The following ADGRG7 variants were observed in gnomAD, a reference collection of about 807,000 sequenced individuals.
ADGRG7 encodes adhesion G protein-coupled receptor G7.
ADGRG7 carries 82 observed loss-of-function variants against 88.6 expected under a neutral mutation model. That is an observed-to-expected ratio of 0.93 (90% CI 0.77 to 1.11). ADGRG7 has a LOEUF of 1.11. ADGRG7 is among the 50% of genes most tolerant of loss of function. The pLI is 0.00. For missense variants in ADGRG7, 945 were observed against 953.4 expected, an observed-to-expected ratio of 0.99 and a Z score of 0.12; for synonymous variants, 381 against 345.2, an observed-to-expected ratio of 1.10 and a Z score of -1.15.
At chr3:100,646,323 A>G in intron 9 of ADGRG7, 1 of 606,578 alleles carries the variant, frequency 1.6e-6, no homozygotes, top group Non-Finnish European at 2.8e-6. Flanking sequence ...AAAACTCTTC[A>G]AAAGGTTCTT....
chr3:100,621,807 C>T (rs922658196), intron 1 of ADGRG7, among the ~76,000 whole-genome samples: 11 of 152,202 alleles, frequency 7.2e-5, no homozygotes, highest in Non-Finnish European at 1.5e-4. Flanking sequence ...CCATCTAGGA[C>T]TTTCACAGCT....
At chr3:100,658,493 C>T (rs972938059) in intron 13 of ADGRG7, among the ~76,000 whole-genome samples, 4 of 152,206 alleles carry the variant, frequency 2.6e-5, no homozygotes, top group African/African-American at 7.2e-5. Context: ...AAAGCTCCTA[C>T]ATAATTTGTA....
intron 13 of ADGRG7, 107 bp downstream of exon 13, chr3:100,656,102 T>A: frequency 1.6e-6 from 1 of 621,138 alleles, no homozygotes; most frequent in South Asian, 2.4e-5. Context: ...TTTATAATTG[T>A]CATGTTTAGT....
intron 15 of ADGRG7, among the ~76,000 whole-genome samples, chr3:100,690,547 G>A (rs529454013): frequency 2.0e-5 from 3 of 152,042 alleles, no homozygotes; most frequent in Non-Finnish European, 4.4e-5. Context: ...TGGGTTTTTG[G>A]TGTGGATGTC....
intron 1 of ADGRG7, 22 bp from the exon 2 acceptor site, chr3:100,629,576 C>T (rs757439286): frequency 6.5e-7 from 1 of 1,539,154 alleles, no homozygotes; most frequent in African/African-American, 1.4e-5. Context: ...CATGACTATT[C>T]TGTTATTTAT....
chr3:100,612,164 A>T (rs546196982), intron 1 of ADGRG7, among the ~76,000 whole-genome samples: 66 of 152,282 alleles, frequency 4.3e-4, no homozygotes, highest in Admixed American at 4.2e-3. Context: ...ATATAAATTA[A>T]GTCTCTTTCA....
At chr3:100,688,292 G>T (rs1363708917) in intron 15 of ADGRG7, among the ~76,000 whole-genome samples, 3 of 152,060 alleles carry the variant, frequency 2.0e-5, no homozygotes, top group East Asian at 1.9e-4. Context: ...TCTTGCTAGT[G>T]GTCTATCAAT....
At chr3:100,617,784 C>G (rs1365481425) in intron 1 of ADGRG7, among the ~76,000 whole-genome samples, 1 of 152,078 alleles carries the variant, frequency 6.6e-6, no homozygotes, top group Non-Finnish European at 1.5e-5. Context: ...CCTGAGGAAT[C>G]GCCACACTGA....
intron 15 of ADGRG7, among the ~76,000 whole-genome samples, chr3:100,678,856 G>A (rs1399578484): frequency 1.3e-5 from 2 of 152,164 alleles, no homozygotes; most frequent in Non-Finnish European, 2.9e-5. Flanking sequence ...GGGAGGGGGT[G>A]ACACAAGTAC....
At position 100,609,811 on chromosome 3, in the gene ADGRG7, GC is replaced by G; in HGVS notation, c.-45del. ...ACTTTTTAGCTCAAGAAGAAAAGAA[GC>G]TAGTTATTTCTCACCCAGGAGTGGA... On this transcript the variant is annotated 5_prime_UTR_variant, in exon 1 of 16. Coordinates refer to ENST00000273352, the MANE Select transcript of ADGRG7 (RefSeq NM_032787.3). 1 of 1,392,678 alleles carries G rather than the reference GC, an allele frequency of 7.2e-7. No homozygotes were observed. Among genetic ancestry groups the G allele is most frequent in the Middle Eastern group, 1.8e-4 (1 of 5,640 alleles). 86.3% of individuals were successfully genotyped at this position (1,392,678 alleles called of 1,614,324 possible). A position where few individuals can be genotyped will look rare whatever the true frequency, so the allele number is the denominator to read the frequency against.
In ADGRG7 at chr3:100,642,127, T is replaced by C. The variant is rs548386319; in HGVS notation, c.699-1139T>C. On this transcript the variant is annotated intron_variant, in intron 6 of 15. Coordinates refer to ENST00000273352, the MANE Select transcript of ADGRG7 (RefSeq NM_032787.3). ...AAACACCTCCTGTATATCTACCACA[T>C]CTTTCCTTTTAGCCTGCAAATGCCT... Among the ~76,000 whole-genome samples the C allele has an allele frequency of 4.7e-4, 72 of 152,346 alleles. 1 individual carries two copies. The highest frequency in any genetic ancestry group is 1.6e-3 in the African/African-American group (68 of 41,592).
At position 100,669,773 on chromosome 3, in the gene ADGRG7, G is replaced by A. The variant is rs970326051; in HGVS notation, c.2136+668G>A. Among the ~76,000 whole-genome samples the A allele has an allele frequency of 4.6e-5, 7 of 151,592 alleles. No individual in the cohort carries two copies. In the East Asian group the frequency reaches 5.9e-4, roughly 13 times the overall value. On this transcript the variant is annotated intron_variant, in intron 15 of 15. Coordinates refer to ENST00000273352, the MANE Select transcript of ADGRG7 (RefSeq NM_032787.3). ...TGACTGGCCGGGCGTGGTGGCTCAC[G>A]GCCTGTAATTCCAGCACTTTGGGAG...
chr3:100,625,427 G>A (rs957199142), intron 1 of ADGRG7, among the ~76,000 whole-genome samples: 3 of 152,162 alleles, frequency 2.0e-5, no homozygotes, highest in Non-Finnish European at 4.4e-5. Flanking sequence ...AGTTTAAGGA[G>A]TTTTGGGGCT....
At chr3:100,637,607 G>T (rs1416432614) in intron 6 of ADGRG7, 5 of 507,108 alleles carry the variant, frequency 9.9e-6, no homozygotes, top group Non-Finnish European at 1.8e-5. Context: ...ATCCAGGGGT[G>T]CTGGCCATGG....
At chr3:100,637,741 A>G (rs866487694) in intron 6 of ADGRG7, among the ~76,000 whole-genome samples, 5 of 152,236 alleles carry the variant, frequency 3.3e-5, no homozygotes, top group Non-Finnish European at 7.3e-5. Flanking sequence ...TTTGCAAAAC[A>G]TAGAGCTACA....
At position 100,633,284 on chromosome 3, in the gene ADGRG7, C is replaced by T. The variant is rs1707481303; in HGVS notation, c.354C>T (p.Val118=). 6.7e-7 allele frequency: 1 copy of T among 1,490,142 alleles called. No homozygotes were observed. The highest frequency in any genetic ancestry group is 1.4e-5 in the African/African-American group (1 of 70,306). The allele number at this position is 1,490,142 out of a possible 1,614,324, so 92.3% of individuals were successfully genotyped here. Residue 118 remains valine, a synonymous_variant, in exon 4 of 16, where the codon GTC becomes GTT. Coordinates refer to ENST00000273352, the MANE Select transcript of ADGRG7 (RefSeq NM_032787.3). The part of the protein sequence containing the change: ...DTPNAGNPMA[V]RLCSLSLYGE... ...TTAAAGCGGGCAATCCAATGGCAGTCCGGTTGTGCAGTCTCTCTCTATATG... is the reference window on the plus strand; with the variant it reads ...TTAAAGCGGGCAATCCAATGGCAGTTCGGTTGTGCAGTCTCTCTCTATATG...
At chr3:100,689,101 T>C (rs2094988400) in intron 15 of ADGRG7, among the ~76,000 whole-genome samples, 1 of 152,236 alleles carries the variant, frequency 6.6e-6, no homozygotes, top group African/African-American at 2.4e-5. Flanking sequence ...TTAGCTCTTC[T>C]TGTTGAATTG....
intron 10 of ADGRG7, 36 bp from the exon 11 acceptor site, chr3:100,649,659 A>G (rs746569082): frequency 1.8e-6 from 2 of 1,128,324 alleles, no homozygotes; most frequent in Admixed American, 1.7e-5. Flanking sequence ...TTCAGGGATG[A>G]CTAATTAAAA....
intron 15 of ADGRG7, among the ~76,000 whole-genome samples, chr3:100,680,213 A>G (rs1266695124): frequency 6.6e-6 from 1 of 152,198 alleles, no homozygotes; most frequent in African/African-American, 2.4e-5. Flanking sequence ...TGATTTTATC[A>G]TTTAGATAAA....
Sources: gnomAD v4.1 joint callset for allele counts (sites outside exome capture counted in the v4.1 genomes callset) on GRCh38, gnomAD v4.1.1 for gene constraint, MANE v1.5 for transcripts, NCBI Gene and HGNC (gene_info 2026-07-23, HGNC 2026-07-21) for gene names.